KIF3A: variants seen among roughly 807,000 people sequenced by gnomAD.
KIF3A encodes the protein kinesin family member 3A.
A neutral mutation model predicts 92.6 loss-of-function variants in KIF3A; 27 were observed. The ratio of observed to expected loss-of-function variants is 0.29; its 90% CI spans 0.21 to 0.40. The LOEUF (loss-of-function observed/expected upper bound fraction) is 0.40, where lower values mean the gene tolerates loss of function less well. Ranked by LOEUF, KIF3A falls within the 10% of genes least tolerant of loss-of-function variation. KIF3A has a pLI of 1.00. For synonymous variants in KIF3A, 250 were observed against 275.4 expected (o/e 0.91, Z 0.92); for missense variants, 581 against 872.6 (o/e 0.67, Z 4.21).
intron 2 of KIF3A, among the ~76,000 whole-genome samples, chr5:132,728,095 G>A (rs1380268550): frequency 6.6e-6 from 1 of 152,142 alleles, no homozygotes; most frequent in East Asian, 1.9e-4. Context: ...TGAGCTCATA[G>A]ACTGCATTTC....
chr5:132,730,040 G>T lies in KIF3A; in HGVS notation c.281-3542C>A, dbSNP rs190703467. Among the ~76,000 whole-genome samples the T allele has an allele frequency of 6.8e-3, 1,029 of 152,252 alleles. 5 individuals are homozygous for T. The highest frequency in any genetic ancestry group is 0.011 in the Non-Finnish European group (749 of 68,008). ...CGTAAGTTACCAATATCAAAAATGA[G>T]AAAAGTTATACCACTACATTCAACA... On this transcript the variant is annotated intron_variant, in intron 2 of 18. Transcript: ENST00000403231.
At chr5:132,721,140 G>A (rs966895512) in intron 4 of KIF3A, among the ~76,000 whole-genome samples, 9 of 152,132 alleles carry the variant, frequency 5.9e-5, no homozygotes, top group African/African-American at 2.2e-4. Context: ...TGTGGCTGGA[G>A]AGAGCAGGAA....
At chr5:132,727,908 T>C (rs555672825) in intron 2 of KIF3A, among the ~76,000 whole-genome samples, 4 of 152,312 alleles carry the variant, frequency 2.6e-5, no homozygotes, top group African/African-American at 9.6e-5. Context: ...TCTCAGACTT[T>C]TTTTTGTGAA....
At chr5:132,710,571 G>A (rs555095006) in intron 9 of KIF3A, among the ~76,000 whole-genome samples, 20 of 152,256 alleles carry the variant, frequency 1.3e-4, no homozygotes, top group South Asian at 1.0e-3. Context: ...AGCCGAGATC[G>A]CGCCACTGCA....
At chr5:132,722,557 A>T (rs989973011) in intron 4 of KIF3A, among the ~76,000 whole-genome samples, 30 of 152,216 alleles carry the variant, frequency 2.0e-4, no homozygotes, top group African/African-American at 7.2e-4. Flanking sequence ...CAGAATTTTG[A>T]ATGTCCTACC....
downstream of KIF3A, chr5:132,692,307 T>A (rs1263053905): frequency 2.0e-5 from 3 of 152,202 alleles, no homozygotes; most frequent in African/African-American, 7.2e-5. Flanking sequence ...GCAGAAAAGA[T>A]AACTATTGGG....
At position 132,693,367 on chromosome 5, in the gene KIF3A, A is replaced by G. The variant is rs1561684025; in HGVS notation, c.*3267T>C. ...AGTATATGTAATTGTAAGGATTATT[A>G]AAGAAGATACTATAAACCAATAATT... On this transcript the variant is annotated 3_prime_UTR_variant, in exon 19 of 19. Transcript: ENST00000403231. The G allele has an allele frequency of 6.6e-6, 1 of 152,584 alleles. No individual in the cohort carries two copies. The highest frequency in any genetic ancestry group is 1.5e-5 in the Non-Finnish European group (1 of 68,036). 9.5% of individuals were successfully genotyped at this position (152,584 alleles called of 1,614,324 possible).
rs1381660817 is a variant in KIF3A at position 132,695,908 on chromosome 5, T to G, written c.*726A>C. The G allele has an allele frequency of 6.6e-6, 1 of 152,344 alleles. No individual in the cohort carries two copies. The highest frequency in any genetic ancestry group is 6.5e-5 in the Admixed American group (1 of 15,280). The allele number at this position is 152,344 out of a possible 1,614,324, so 9.4% of individuals were successfully genotyped here. On this transcript the variant is annotated 3_prime_UTR_variant, in exon 19 of 19. Coordinates refer to ENST00000403231, the MANE Select transcript of KIF3A (RefSeq NM_001300791.2). ...TTCCGCAACAGTAGATCCTTTATAT[T>G]TACGTACAATTCAATGTTTCAAGAG...
rs1752775955 is a variant in KIF3A, at chr5:132,694,752, A to C, written c.*1882T>G. The C allele has an allele frequency of 6.6e-6, 1 of 152,358 alleles. No individual in the cohort carries two copies. The highest frequency in any genetic ancestry group is 2.4e-5 in the African/African-American group (1 of 41,456). 9.4% of individuals were successfully genotyped at this position (152,358 alleles called of 1,614,324 possible). Reference sequence around the variant, plus strand: ...ATCACACAAAGCTTTTACAAGACACATATTTACCTCAACTCTTCACAGTAT... The same window carrying C: ...ATCACACAAAGCTTTTACAAGACACCTATTTACCTCAACTCTTCACAGTAT... On this transcript the variant is annotated 3_prime_UTR_variant, in exon 19 of 19. Coordinates refer to ENST00000403231, the MANE Select transcript of KIF3A (RefSeq NM_001300791.2).
rs570049261 is a variant in KIF3A at position 132,696,231 on chromosome 5, G to A, written c.*403C>T. 4.5e-5 allele frequency: 7 copies of A among 155,954 alleles called. No individual in the cohort carries two copies. In the South Asian group the frequency reaches 1.2e-3, roughly 27 times the overall value. 9.7% of individuals were successfully genotyped at this position (155,954 alleles called of 1,614,324 possible). A position where few individuals can be genotyped will look rare whatever the true frequency, so the allele number is the denominator to read the frequency against. On this transcript the variant is annotated 3_prime_UTR_variant, in exon 19 of 19. Transcript: ENST00000403231. The stretch of plus-strand genomic sequence containing the variant: ...ATAACAGCGCAACATAGGACAATCT[G>A]ATCTGCTTCTTTCTATGTGCAAAAC...
intron 4 of KIF3A, among the ~76,000 whole-genome samples, chr5:132,722,543 C>T (rs1429972626): frequency 1.3e-5 from 2 of 152,080 alleles, no homozygotes; most frequent in South Asian, 4.1e-4. Flanking sequence ...GAAGAACTGT[C>T]CCACAGAATT....
intron 17 of KIF3A, chr5:132,699,590 ACT>A (rs1366668355): frequency 4.5e-6 from 2 of 442,580 alleles, no homozygotes; most frequent in Admixed American, 2.7e-5. Context: ...ACGGAGTCTC[ACT>A]CTGTCGCCCA....
Position 132,737,416 on chromosome 5 carries a change from G to A in KIF3A, c.4C>T (p.Pro2Ser). The A allele has an allele frequency of 3.1e-6, 5 of 1,607,982 alleles. No individual in the cohort carries two copies. The highest frequency in any genetic ancestry group is 2.3e-5 in the East Asian group (1 of 43,920). Residue 2 changes from proline (P) to serine (S), a missense_variant and splice_region_variant, in exon 1 of 19, where the codon CCG becomes TCG. Pro to Ser is a moderately conservative substitution (Grantham distance 74). This residue lies in a region of KIF3A where 217 missense variants were observed against 299.7 expected (regional missense o/e 0.72). Coordinates refer to ENST00000403231, the MANE Select transcript of KIF3A (RefSeq NM_001300791.2). M[P>S]INKSEKPESC... The stretch of plus-strand genomic sequence containing the variant: ...AGAAGCGAAGCGACTCTCCTCACCG[G>A]CATCTTGGCCCCCTCCCGTGCCCGG...
chr5:132,726,575 T>A, intron 2 of KIF3A, 77 bp from the exon 3 acceptor site: 1 of 1,272,440 alleles, frequency 7.9e-7, no homozygotes, highest in African/African-American at 1.5e-5. Context: ...TTAATTCCTT[T>A]GACACTGTGA....
chr5:132,712,568 T>C (rs1753464684), intron 8 of KIF3A, among the ~76,000 whole-genome samples: 1 of 152,222 alleles, frequency 6.6e-6, no homozygotes, highest in Non-Finnish European at 1.5e-5. Context: ...CACAGGATTA[T>C]TGTTGCAGAC....
chr5:132,708,281 C>CAAAAAA (rs58058674), intron 10 of KIF3A, among the ~76,000 whole-genome samples: 1 of 66,476 alleles, frequency 1.5e-5, no homozygotes, highest in Non-Finnish European at 3.6e-5. Context: ...GACTCCGTCT[C>CAAAAAA]AAAAAAAAAA....
rs1475859871 is a variant in KIF3A, at chr5:132,693,253, G to A, written c.*3381C>T. ...ATTCTATTCATGGGGCAAACATGGA[G>A]ATGCGACCCTTCCCTTGATTACTCA... On this transcript the variant is annotated 3_prime_UTR_variant, in exon 19 of 19. Transcript: ENST00000403231. 6.6e-6 allele frequency: 1 copy of A among 151,882 alleles called. No individual in the cohort carries two copies. The highest frequency in any genetic ancestry group is 1.5e-5 in the Non-Finnish European group (1 of 67,980). 9.4% of individuals were successfully genotyped at this position (151,882 alleles called of 1,614,324 possible).
rs1752820974 is a variant in KIF3A, at chr5:132,695,980, G to A, written c.*654C>T. ...GTGTATTTGATTTGAACTCAAACTG[G>A]CAAAAAAAAGTTAGGAAAGGTTCAG... On this transcript the variant is annotated 3_prime_UTR_variant, in exon 19 of 19. Coordinates refer to ENST00000403231, the MANE Select transcript of KIF3A (RefSeq NM_001300791.2). The A allele has an allele frequency of 6.6e-6, 1 of 152,060 alleles. No homozygotes were observed. The highest frequency in any genetic ancestry group is 1.5e-5 in the Non-Finnish European group (1 of 67,926). 9.4% of individuals were successfully genotyped at this position (152,060 alleles called of 1,614,324 possible). A position where few individuals can be genotyped will look rare whatever the true frequency, so the allele number is the denominator to read the frequency against.
chr5:132,703,501 A>C lies in KIF3A; in HGVS notation c.1428T>G (p.Ala476=). 1 of 1,611,636 alleles carries C rather than the reference A, an allele frequency of 6.2e-7. No homozygotes were observed. Among genetic ancestry groups the C allele is most frequent in the South Asian group, 1.1e-5 (1 of 90,550 alleles). ...MEEEERNKAR[A]ELEKREKDLL... ...GATCTTTTTCCCGTTTCTCTAATTC[A>C]GCTCTAGCCTTGTTTCTTTCTTCTT... The change falls in exon 12 of 19, where the codon GCT becomes GCG. Residue 476 remains alanine, a synonymous_variant. Transcript: ENST00000403231.
Sources: gnomAD v4.1 joint callset for allele counts (sites outside exome capture counted in the v4.1 genomes callset) on GRCh38, gnomAD v4.1.1 for gene constraint, gnomAD v4.1.1 regional missense constraint, MANE v1.5 for transcripts, NCBI Gene and HGNC (gene_info 2026-07-23, HGNC 2026-07-21) for gene names.